GFPT2: variants seen among roughly 807,000 people sequenced by gnomAD.
GFPT2 encodes the protein glutamine--fructose-6-phosphate aminotransferase [isomerizing] 2.
A neutral mutation model predicts 85.6 loss-of-function variants in GFPT2; 62 were observed. The observed-to-expected ratio is 0.72, with a 90% CI of 0.59 to 0.90. The LOEUF (loss-of-function observed/expected upper bound fraction) is 0.90. GFPT2 is among the 40% of genes least tolerant of loss of function. GFPT2 has a pLI of 0.00. For synonymous variants in GFPT2, 368 were observed against 344.5 expected, an observed-to-expected ratio of 1.07 and a Z score of -0.75; for missense variants, 788 against 893.4, an observed-to-expected ratio of 0.88 and a Z score of 1.50.
At chr5:180,350,849 A>C (rs1764698228) in intron 1 of GFPT2, among the ~76,000 whole-genome samples, 1 of 152,226 alleles carries the variant, frequency 6.6e-6, no homozygotes, top group African/African-American at 2.4e-5. Flanking sequence ...AAAGGACAGC[A>C]AGACATAATC....
At chr5:180,340,407 T>C (rs1197683353) in intron 1 of GFPT2, among the ~76,000 whole-genome samples, 1 of 151,766 alleles carries the variant, frequency 6.6e-6, no homozygotes, top group African/African-American at 2.4e-5. Flanking sequence ...GGTTTCTCCA[T>C]GTTGGCCAGG....
intron 15 of GFPT2, among the ~76,000 whole-genome samples, chr5:180,309,634 A>G (rs925974531): frequency 2.0e-5 from 3 of 151,578 alleles, no homozygotes; most frequent in African/African-American, 7.3e-5. Context: ...CTGGTCTCGA[A>G]CTCCTGACCT....
intron 15 of GFPT2, among the ~76,000 whole-genome samples, chr5:180,309,694 G>A (rs570588883): frequency 2.4e-4 from 37 of 152,258 alleles, no homozygotes; most frequent in Admixed American, 5.9e-4. Flanking sequence ...TTACAGGCAT[G>A]AGCCACCACG....
At chr5:180,335,396 A>T (rs989505322) in intron 4 of GFPT2, among the ~76,000 whole-genome samples, 1 of 152,168 alleles carries the variant, frequency 6.6e-6, no homozygotes, top group Non-Finnish European at 1.5e-5. Context: ...CCTCACCTGG[A>T]CCACTCTGTG....
At chr5:180,332,478 G>A (rs940169950) in intron 4 of GFPT2, among the ~76,000 whole-genome samples, 14 of 152,176 alleles carry the variant, frequency 9.2e-5, no homozygotes, top group Middle Eastern at 3.4e-3. Context: ...TGTGGGATAC[G>A]CTTCATAAAT....
At chr5:180,353,118 G>C (rs1231312763) in intron 1 of GFPT2, 93 bp downstream of exon 1, 4 of 1,089,252 alleles carry the variant, frequency 3.7e-6, no homozygotes, top group Non-Finnish European at 4.7e-6. Context: ...CCAGGTCCTC[G>C]GCGCCTGCTT....
intron 12 of GFPT2, 32 bp from the exon 13 acceptor site, chr5:180,316,493 G>C: frequency 6.2e-7 from 1 of 1,613,456 alleles, no homozygotes; most frequent in Non-Finnish European, 8.5e-7. Context: ...GGAGACTAAA[G>C]TCAGTCACAG....
chr5:180,328,077 T>C lies in GFPT2; in HGVS notation c.596+200A>G, dbSNP rs1764241827. On this transcript the variant is annotated intron_variant, in intron 7 of 18. Coordinates refer to ENST00000253778, the MANE Select transcript of GFPT2 (RefSeq NM_005110.4). This position sits in a 1 kb window ranked among gnomAD's most constrained non-coding sequence, Gnocchi z 5.4. The stretch of plus-strand genomic sequence containing the variant: ...AAATCCAACTTTCTGGTTTCTTTTT[T>C]TTTTTTTTTAATTCAGAAGTGTAGC... 6.6e-6 allele frequency among the ~76,000 whole-genome samples: 1 copy of C among 151,912 alleles called. No homozygotes were observed. Among genetic ancestry groups the C allele is most frequent in the Admixed American group, 6.6e-5 (1 of 15,260 alleles).
In GFPT2 at chr5:180,302,495, G is replaced by A; in HGVS notation, c.1932C>T (p.Cys644=). ...GAATCACGCTCAGGATGCCCTGGAG[G>A]CAGTCCACAGTGTGGGGCAGCTCAA... ...KTIELPHTVD[C]LQGILSVIPL... Residue 644 remains cysteine, a synonymous_variant, in exon 18 of 19, where the codon TGC becomes TGT. Coordinates refer to ENST00000253778, the MANE Select transcript of GFPT2 (RefSeq NM_005110.4). The A allele has an allele frequency of 6.2e-7, 1 of 1,614,010 alleles. No individual in the cohort carries two copies. Among genetic ancestry groups the A allele is most frequent in the South Asian group, 1.1e-5 (1 of 91,086 alleles).
rs1561879420 is a variant in GFPT2 at position 180,328,348 on chromosome 5, CACAA to C, written c.535-14_535-11del. 1 of 1,610,106 alleles carries C rather than the reference CACAA, an allele frequency of 6.2e-7. No homozygotes were observed. The highest frequency in any genetic ancestry group is 8.5e-7 in the Non-Finnish European group (1 of 1,176,562). The stretch of plus-strand genomic sequence containing the variant: ...GCGCGAATGCACCTTCCTGAAAACA[CACAA>C]ACAGTGAGGGTCAACGCGTTCCAGC... On this transcript the variant is annotated splice_polypyrimidine_tract_variant and intron_variant, in intron 6 of 18. Coordinates refer to ENST00000253778, the MANE Select transcript of GFPT2 (RefSeq NM_005110.4). This position sits in a 1 kb window ranked among gnomAD's most constrained non-coding sequence, Gnocchi z 5.4.
intron 1 of GFPT2, 104 bp downstream of exon 1, chr5:180,353,107 G>A: frequency 1.0e-6 from 1 of 991,662 alleles, no homozygotes; most frequent in Non-Finnish European, 1.3e-6. Flanking sequence ...GGCGCCCCCA[G>A]CCAGGTCCTC....
intron 16 of GFPT2, among the ~76,000 whole-genome samples, chr5:180,305,985 T>TC (rs202001819): frequency 2.3e-4 from 7 of 30,592 alleles, no homozygotes; most frequent in African/African-American, 5.2e-4. Context: ...CTTTCTTTCT[T>TC]TTTTTTTTTT....
chr5:180,322,779 G>A (rs997909347), intron 9 of GFPT2, among the ~76,000 whole-genome samples: 2 of 152,082 alleles, frequency 1.3e-5, no homozygotes, highest in African/African-American at 2.4e-5. Context: ...GCTCACACCT[G>A]TAATCCCAGC....
Position 180,330,991 on chromosome 5 carries a change from C to A in GFPT2, c.400-157G>T. ...GAAAAATGTTTGCCAGCATCACAGCCAAATACCTCTGAGTCACTCCCGGAG... is the reference window on the plus strand; with the variant it reads ...GAAAAATGTTTGCCAGCATCACAGCAAAATACCTCTGAGTCACTCCCGGAG... On this transcript the variant is annotated intron_variant, in intron 5 of 18. Transcript: ENST00000253778. The surrounding 1 kb of genome is among the most constrained non-coding windows in gnomAD (Gnocchi z 4.4). The A allele has an allele frequency of 1.5e-6, 1 of 648,230 alleles. No individual in the cohort carries two copies. Among genetic ancestry groups the A allele is most frequent in the Non-Finnish European group, 2.6e-6 (1 of 379,238 alleles). 40.2% of individuals were successfully genotyped at this position (648,230 alleles called of 1,614,324 possible).
Position 180,323,726 on chromosome 5 carries a change from G to C in GFPT2, c.794+462C>G, listed in dbSNP as rs1764162690. ...CACAAATGGTCTCACCCCAGGCAAAGGCAGGGAGGGGCATGGGAGGGACTG... is the reference window on the plus strand; with the variant it reads ...CACAAATGGTCTCACCCCAGGCAAACGCAGGGAGGGGCATGGGAGGGACTG... On this transcript the variant is annotated intron_variant, in intron 9 of 18. Transcript: ENST00000253778. The surrounding 1 kb of genome is among the most constrained non-coding windows in gnomAD (Gnocchi z 4.0). 6.6e-6 allele frequency among the ~76,000 whole-genome samples: 1 copy of C among 152,128 alleles called. No homozygotes were observed. The highest frequency in any genetic ancestry group is 6.5e-5 in the Admixed American group (1 of 15,270).
rs1359672065 is a variant in GFPT2, at chr5:180,324,854, T to C, written c.638A>G (p.Lys213Arg). Residue 213 changes from lysine (K) to arginine (R), a missense_variant, in exon 8 of 19, where the codon AAG becomes AGG. Physicochemically the swap from Lys to Arg is conservative, Grantham distance 26 (BLOSUM62 2). Transcript: ENST00000253778. ...GATAGGGATCTGTTCTGTGGAGAGC[T>C]TGTATTTGCTCCGGACTCCGATGAG... The part of the protein sequence containing the change: ...PLLIGVRSKY[K>R]LSTEQIPILY... The C allele has an allele frequency of 8.7e-6, 14 of 1,611,946 alleles. No individual in the cohort carries two copies. The highest frequency in any genetic ancestry group is 1.1e-5 in the Non-Finnish European group (13 of 1,178,148).
chr5:180,310,859 A>T (rs1233518717), intron 15 of GFPT2, among the ~76,000 whole-genome samples: 1 of 149,908 alleles, frequency 6.7e-6, no homozygotes, highest in South Asian at 2.1e-4. Context: ...AAAAAAAAAA[A>T]AAAAATTTTT....
chr5:180,302,685 G>T, intron 17 of GFPT2, 101 bp from the exon 18 acceptor site: 1 of 882,568 alleles, frequency 1.1e-6, no homozygotes, highest in Non-Finnish European at 1.7e-6. Flanking sequence ...GATGAGAACA[G>T]TCCTCTTTTG....
chr5:180,321,678 G>A (rs1233389090), intron 9 of GFPT2, among the ~76,000 whole-genome samples: 1 of 152,240 alleles, frequency 6.6e-6, no homozygotes, highest in African/African-American at 2.4e-5. Flanking sequence ...CTCAGCATGT[G>A]TTGTCTTTCT....
Sources: gnomAD v4.1 joint callset for allele counts (sites outside exome capture counted in the v4.1 genomes callset) on GRCh38, gnomAD v4.1.1 for gene constraint, Gnocchi (gnomAD v3.1) non-coding constraint, MANE v1.5 for transcripts, NCBI Gene and HGNC (gene_info 2026-07-23, HGNC 2026-07-21) for gene names.